RSU1: variants seen among roughly 807,000 people sequenced by gnomAD.
RSU1 encodes rsu-1.
Under a neutral mutation model 31.1 loss-of-function variants are expected in RSU1, and 26 were observed. The ratio of observed to expected loss-of-function variants is 0.84; its 90% confidence interval spans 0.61 to 1.16. The LOEUF (loss-of-function observed/expected upper bound fraction) is 1.16. Ranked by LOEUF, RSU1 falls within the 50% of genes most tolerant of loss-of-function variation. The pLI, the probability that RSU1 is intolerant of heterozygous loss-of-function variation, is 0.00. For missense variants in RSU1, 320 were observed against 339.1 expected, an observed-to-expected ratio of 0.94 and a Z score of 0.44; for synonymous variants, 164 against 136.3, an observed-to-expected ratio of 1.20 and a Z score of -1.41.
At chr10:16,717,263 G>A (rs779687590) in intron 7 of RSU1, among the ~76,000 whole-genome samples, 27 of 152,144 alleles carry the variant, frequency 1.8e-4, no homozygotes, top group Admixed American at 1.6e-3. Flanking sequence ...GATGGTGAGT[G>A]TGCAGATATT....
intron 8 of RSU1, among the ~76,000 whole-genome samples, chr10:16,603,699 C>G (rs1205515860): frequency 6.6e-6 from 1 of 152,140 alleles, no homozygotes; most frequent in Non-Finnish European, 1.5e-5. Flanking sequence ...GGAAATCAGT[C>G]CAAGGGCAAT....
intron 3 of RSU1, among the ~76,000 whole-genome samples, chr10:16,778,751 G>A (rs926496805): frequency 1.3e-5 from 2 of 152,074 alleles, no homozygotes; most frequent in African/African-American, 2.4e-5. Context: ...AGGGCTACGG[G>A]GGGACAGAAG....
chr10:16,633,580 C>A (rs924071829), intron 8 of RSU1, among the ~76,000 whole-genome samples: 1 of 152,088 alleles, frequency 6.6e-6, no homozygotes, highest in Non-Finnish European at 1.5e-5. Flanking sequence ...TTCTGGAATG[C>A]CTGAGTCCTA....
chr10:16,763,850 T>C (rs1428068671), intron 4 of RSU1, among the ~76,000 whole-genome samples: 1 of 152,264 alleles, frequency 6.6e-6, no homozygotes, highest in African/African-American at 2.4e-5. Context: ...TATTATTTAC[T>C]GCTCCCTGGT....
chr10:16,593,751 G>A (rs1178305781), intron 8 of RSU1, among the ~76,000 whole-genome samples: 1 of 152,210 alleles, frequency 6.6e-6, no homozygotes, highest in Non-Finnish European at 1.5e-5. Context: ...AAGTGGTCAG[G>A]CCCTGCTCAG....
chr10:16,656,757 C>T (rs577313510), intron 8 of RSU1, among the ~76,000 whole-genome samples: 3 of 152,316 alleles, frequency 2.0e-5, no homozygotes, highest in African/African-American at 7.2e-5. Context: ...ACATGTAATG[C>T]ACAAAGCAAA....
At chr10:16,807,007 G>A (rs958772559) in intron 2 of RSU1, among the ~76,000 whole-genome samples, 2 of 152,166 alleles carry the variant, frequency 1.3e-5, no homozygotes, top group African/African-American at 2.4e-5. Context: ...ACCCACCCAC[G>A]TTGGCCTCCG....
At chr10:16,679,496 C>T (rs1426106976) in intron 8 of RSU1, among the ~76,000 whole-genome samples, 15 of 152,030 alleles carry the variant, frequency 9.9e-5, no homozygotes, top group African/African-American at 3.6e-4. Flanking sequence ...ATAAAAGGAG[C>T]TTAGAGTTGA....
intron 8 of RSU1, among the ~76,000 whole-genome samples, chr10:16,635,436 C>T (rs763265440): frequency 4.3e-4 from 65 of 152,272 alleles, no homozygotes; most frequent in Non-Finnish European, 8.5e-4. Flanking sequence ...CTGAGAAAAC[C>T]GAAACACTCC....
intron 4 of RSU1, among the ~76,000 whole-genome samples, chr10:16,758,413 C>T (rs927268567): frequency 6.6e-6 from 1 of 152,176 alleles, no homozygotes; most frequent in Non-Finnish European, 1.5e-5. Flanking sequence ...GAATTCCATG[C>T]TCAGGGCCCC....
At chr10:16,667,894 C>G (rs566175146) in intron 8 of RSU1, among the ~76,000 whole-genome samples, 1 of 152,138 alleles carries the variant, frequency 6.6e-6, no homozygotes, top group Admixed American at 6.5e-5. Context: ...CAAAAAGATA[C>G]GTAATCTGAG....
chr10:16,612,101 A>G (rs1833899857), intron 8 of RSU1, among the ~76,000 whole-genome samples: 4 of 152,196 alleles, frequency 2.6e-5, no homozygotes, highest in African/African-American at 9.7e-5. Flanking sequence ...TGCTCAATAA[A>G]CCAAGGCAAT....
chr10:16,606,901 C>T (rs1833815525), intron 8 of RSU1, among the ~76,000 whole-genome samples: 1 of 152,200 alleles, frequency 6.6e-6, no homozygotes, highest in Admixed American at 6.5e-5. Context: ...TGGCCATCTG[C>T]TCTTGGCACT....
chr10:16,599,053 TG>T (rs1833669302), intron 8 of RSU1, among the ~76,000 whole-genome samples: 1 of 152,186 alleles, frequency 6.6e-6, no homozygotes, highest in South Asian at 2.1e-4. Flanking sequence ...TACTACGAAC[TG>T]GCTGGTCCCT....
intron 7 of RSU1, among the ~76,000 whole-genome samples, chr10:16,710,617 G>C (rs892636771): frequency 6.6e-6 from 1 of 151,714 alleles, no homozygotes; most frequent in Non-Finnish European, 1.5e-5. Flanking sequence ...GAATTCAGTA[G>C]TGAAGCCATC....
intron 2 of RSU1, among the ~76,000 whole-genome samples, chr10:16,811,223 C>G (rs1838401441): frequency 6.6e-6 from 1 of 152,234 alleles, no homozygotes; most frequent in South Asian, 2.1e-4. Context: ...AGCACACCAT[C>G]TAGCCCAGGT....
At chr10:16,612,570 T>A (rs1401310805) in intron 8 of RSU1, among the ~76,000 whole-genome samples, 1 of 152,260 alleles carries the variant, frequency 6.6e-6, no homozygotes, top group Admixed American at 6.5e-5. Context: ...TCTGTTCAGA[T>A]GGGAACCATA....
At position 16,641,306 on chromosome 10, in the gene RSU1, C is replaced by CA. The variant is rs1466916816; in HGVS notation, c.732-47811dup. Among the ~76,000 whole-genome samples, 5 of 152,100 alleles carry CA rather than the reference C, an allele frequency of 3.3e-5. No individual in the cohort carries two copies. In the East Asian group the frequency reaches 9.7e-4, roughly 29 times the overall value. ...CTTTAAAAAGTTTCAGCCTGGCCAA[C>CA]ATGGTGGAAACCCATCTCTACTAAA... On this transcript the variant is annotated intron_variant, in intron 8 of 8. Transcript: ENST00000345264.
intron 7 of RSU1, among the ~76,000 whole-genome samples, chr10:16,738,698 T>TA (rs906751536): frequency 1.3e-5 from 2 of 151,862 alleles, no homozygotes; most frequent in African/African-American, 2.4e-5. Flanking sequence ...ATGTACTTTT[T>TA]AAAAAAAAAT....
Sources: allele counts gnomAD v4.1 joint callset (sites outside exome capture counted in the v4.1 genomes callset), GRCh38; gene constraint gnomAD v4.1.1; transcripts MANE v1.5; gene names NCBI Gene and HGNC (gene_info 2026-07-23, HGNC 2026-07-21).